AUH: variants seen among roughly 807,000 people sequenced by gnomAD.
AUH encodes the protein AU RNA binding methylglutaconyl-CoA hydratase.
A neutral mutation model predicts 42.3 loss-of-function variants in AUH; 29 were observed. The ratio of observed to expected loss-of-function variants is 0.69; its 90% CI spans 0.51 to 0.93. AUH has a LOEUF of 0.93. AUH is among the 40% of genes least tolerant of loss of function. AUH has a pLI of 0.00. For synonymous variants in AUH, 174 were observed against 166.4 expected (o/e 1.05, Z -0.35); for missense variants, 452 against 438.1 (o/e 1.03, Z -0.28).
At chr9:91,331,679 C>T (rs556321727) in intron 3 of AUH, among the ~76,000 whole-genome samples, 1 of 152,146 alleles carries the variant, frequency 6.6e-6, no homozygotes, top group Non-Finnish European at 1.5e-5. Context: ...ACTATAATGG[C>T]CCTCTCCTAA....
At chr9:91,266,362 AAAATAAAT>A (rs144350488) in intron 6 of AUH, among the ~76,000 whole-genome samples, 23 of 148,096 alleles carry the variant, frequency 1.6e-4, no homozygotes, top group Middle Eastern at 3.5e-3. Flanking sequence ...ACTCCATCTC[AAAATAAAT>A]AAATAAATAA....
At chr9:91,332,971 C>G (rs1270710283) in intron 3 of AUH, among the ~76,000 whole-genome samples, 1 of 152,172 alleles carries the variant, frequency 6.6e-6, no homozygotes, top group African/African-American at 2.4e-5. Flanking sequence ...GGAAAGAACG[C>G]TGGTAAGCAG....
chr9:91,299,308 C>T (rs1827599424), intron 4 of AUH, among the ~76,000 whole-genome samples: 1 of 152,182 alleles, frequency 6.6e-6, no homozygotes, highest in Admixed American at 6.5e-5. Flanking sequence ...CCCAGAGGCT[C>T]ACTCCTTGAC....
chr9:91,335,002 T>C (rs961361877), intron 3 of AUH, among the ~76,000 whole-genome samples: 3 of 152,210 alleles, frequency 2.0e-5, no homozygotes, highest in Non-Finnish European at 4.4e-5. Flanking sequence ...CTGGAATATC[T>C]CCAACTAGGA....
intron 4 of AUH, among the ~76,000 whole-genome samples, chr9:91,324,658 C>A (rs1205086823): frequency 5.2e-4 from 76 of 145,026 alleles, no homozygotes; most frequent in African/African-American, 1.7e-3. Flanking sequence ...CCTAGGCAAA[C>A]TTCAAAAATA....
intron 3 of AUH, among the ~76,000 whole-genome samples, chr9:91,350,231 T>C (rs2132041035): frequency 6.6e-6 from 1 of 152,340 alleles, no homozygotes; most frequent in Admixed American, 6.5e-5. Context: ...GTAGGGCCAC[T>C]AAAATGTCTA....
At chr9:91,261,666 C>T (rs919219183) in intron 6 of AUH, among the ~76,000 whole-genome samples, 1 of 152,176 alleles carries the variant, frequency 6.6e-6, no homozygotes, top group Non-Finnish European at 1.5e-5. Context: ...CCTCAGAATT[C>T]CTAGGTTCCT....
At chr9:91,254,126 C>G (rs1368744048) in intron 6 of AUH, among the ~76,000 whole-genome samples, 1 of 152,176 alleles carries the variant, frequency 6.6e-6, no homozygotes, top group East Asian at 1.9e-4. Flanking sequence ...GTGCACAGGC[C>G]TCTCCCGGAA....
At chr9:91,294,428 G>T (rs1587795344) in intron 6 of AUH, among the ~76,000 whole-genome samples, 1 of 152,228 alleles carries the variant, frequency 6.6e-6, no homozygotes, top group East Asian at 1.9e-4. Flanking sequence ...TGCACCTGTA[G>T]TCCCAGCTAC....
chr9:91,302,000 C>T (rs1380907498), intron 4 of AUH, among the ~76,000 whole-genome samples: 1 of 152,104 alleles, frequency 6.6e-6, no homozygotes, highest in Non-Finnish European at 1.5e-5. Context: ...AAATATTAGT[C>T]ATTTTACAAT....
chr9:91,347,475 G>A lies in AUH; in HGVS notation c.418+8408C>T, dbSNP rs556427521. Among the ~76,000 whole-genome samples, 5 of 152,182 alleles carry A rather than the reference G, an allele frequency of 3.3e-5. No homozygotes were observed. The East Asian group carries it at 5.8e-4, about 18-fold the overall frequency. On this transcript the variant is annotated intron_variant, in intron 3 of 9. Transcript: ENST00000375731. ...GAATCTCTGGCCCCTTTCCCCTCTG[G>A]GGGGAGAGGGTGCTAAAAGTTCTAA...
At chr9:91,225,967 T>C (rs1414664063) in intron 6 of AUH, among the ~76,000 whole-genome samples, 1 of 149,372 alleles carries the variant, frequency 6.7e-6, no homozygotes, top group Non-Finnish European at 1.5e-5. Context: ...ACATTTGGGT[T>C]GGTTCCAAGT....
At chr9:91,296,118 C>A (rs374973224) in intron 5 of AUH, 41 bp from the exon 6 acceptor site, 466 of 1,585,640 alleles carry the variant, frequency 2.9e-4, no homozygotes, top group Non-Finnish European at 3.9e-4. Context: ...TCCATATCAT[C>A]ACATTCAAAT....
At chr9:91,359,614 T>C (rs529748544) in intron 1 of AUH, among the ~76,000 whole-genome samples, 1 of 152,254 alleles carries the variant, frequency 6.6e-6, no homozygotes, top group East Asian at 1.9e-4. Context: ...GTTATAGAGC[T>C]ATGCCTCCTA....
chr9:91,348,325 G>A (rs142560896), intron 3 of AUH, among the ~76,000 whole-genome samples: 1,966 of 152,260 alleles, frequency 0.013, 14 homozygotes, highest in Non-Finnish European at 0.017. Context: ...AATGCAAAAT[G>A]ATACCGAAAA....
chr9:91,312,708 A>G (rs567361364), intron 4 of AUH, among the ~76,000 whole-genome samples: 6 of 152,352 alleles, frequency 3.9e-5, no homozygotes, highest in South Asian at 2.1e-4. Flanking sequence ...CCTGAGCAAC[A>G]GAGTGGGACC....
chr9:91,361,530 T>G lies in AUH; in HGVS notation c.262+98A>C, dbSNP rs1045709025. 2.7e-6 allele frequency: 4 copies of G among 1,492,898 alleles called. No homozygotes were observed. The African/African-American group carries it at 5.7e-5, about 21-fold the overall frequency. 92.5% of individuals were successfully genotyped at this position (1,492,898 alleles called of 1,614,324 possible). On this transcript the variant is annotated intron_variant, in intron 1 of 9. Transcript: ENST00000375731. Reference sequence around the variant, plus strand: ...CCAGGTTCGGTGCGCCTGCCTGACCTCGACCCCGCGTCCTGCCGGCGGACG... The same window carrying G: ...CCAGGTTCGGTGCGCCTGCCTGACCGCGACCCCGCGTCCTGCCGGCGGACG...
At chr9:91,342,706 T>C (rs755739931) in intron 3 of AUH, 8 of 152,194 alleles carry the variant, frequency 5.3e-5, no homozygotes, top group Non-Finnish European at 1.0e-4. Flanking sequence ...AACCAATCAA[T>C]CATTACTTAC....
At chr9:91,231,822 C>T (rs1034383224) in intron 6 of AUH, among the ~76,000 whole-genome samples, 1 of 152,128 alleles carries the variant, frequency 6.6e-6, no homozygotes, top group African/African-American at 2.4e-5. Flanking sequence ...GGGATTACGA[C>T]ATCAGCAAGT....
Sources: allele counts gnomAD v4.1 joint callset (sites outside exome capture counted in the v4.1 genomes callset), GRCh38; gene constraint gnomAD v4.1.1; transcripts MANE v1.5; gene names NCBI Gene and HGNC (gene_info 2026-07-23, HGNC 2026-07-21).